The following RPS6KC1 variants were observed in gnomAD, a reference collection of about 807,000 sequenced individuals.
The protein encoded by RPS6KC1 is inactive ribosomal protein S6 kinase delta-1.
A neutral mutation model predicts 103.8 loss-of-function variants in RPS6KC1; 54 were observed. The observed-to-expected ratio is 0.52, with a 90% CI of 0.42 to 0.65. The LOEUF (loss-of-function observed/expected upper bound fraction) is 0.65. Among genes scored for constraint, RPS6KC1 ranks in the 30% least tolerant of loss-of-function variants. RPS6KC1 has a pLI of 0.00. For synonymous variants in RPS6KC1, 439 were observed against 438.7 expected, an observed-to-expected ratio of 1.00 and a Z score of -0.01; for missense variants, 1,151 against 1,253.8, an observed-to-expected ratio of 0.92 and a Z score of 1.24.
chr1:213,512,536 A>G, the RPS6KC1 span, among the ~76,000 whole-genome samples: 2 of 152,200 alleles, frequency 1.3e-5, no homozygotes, highest in African/African-American at 4.8e-5. Context: ...GCTTTAGCCC[A>G]TTAGTCGACA....
the RPS6KC1 span, among the ~76,000 whole-genome samples, chr1:213,574,969 G>A: frequency 6.6e-6 from 1 of 152,128 alleles, no homozygotes; most frequent in Non-Finnish European, 1.5e-5. Flanking sequence ...GGAATGAAGG[G>A]TAGAGGTGAA....
At chr1:213,319,068 G>A in the RPS6KC1 span, among the ~76,000 whole-genome samples, 2 of 152,318 alleles carry the variant, frequency 1.3e-5, no homozygotes, top group Admixed American at 1.3e-4. Context: ...CACTTTGGGA[G>A]GCCAAGGTGG....
At chr1:213,649,216 G>A in the RPS6KC1 span, among the ~76,000 whole-genome samples, 1 of 149,982 alleles carries the variant, frequency 6.7e-6, no homozygotes, top group Non-Finnish European at 1.5e-5. Context: ...CTTTTTTACT[G>A]GTTTCTCCTA....
intron 6 of RPS6KC1, among the ~76,000 whole-genome samples, chr1:213,139,127 A>G (rs547246212): frequency 6.6e-6 from 1 of 152,148 alleles, no homozygotes; most frequent in Admixed American, 6.6e-5. Context: ...ATGTTTTCAT[A>G]TGTTTGTTGG....
intron 3 of RPS6KC1, among the ~76,000 whole-genome samples, chr1:213,103,063 G>T (rs1385230442): frequency 6.6e-6 from 1 of 152,000 alleles, no homozygotes; most frequent in Non-Finnish European, 1.5e-5. Flanking sequence ...AGCTGGCTGT[G>T]GTGGCGTGTG....
At chr1:213,631,035 G>A in the RPS6KC1 span, among the ~76,000 whole-genome samples, 1 of 152,190 alleles carries the variant, frequency 6.6e-6, no homozygotes, top group Non-Finnish European at 1.5e-5. Flanking sequence ...ATCTCCTGGT[G>A]TGCCGTTTGC....
the RPS6KC1 span, among the ~76,000 whole-genome samples, chr1:213,332,823 AC>A: frequency 6.6e-6 from 1 of 152,190 alleles, no homozygotes; most frequent in Non-Finnish European, 1.5e-5. Context: ...TCCAGGCATA[AC>A]TACTGATGCA....
chr1:213,443,417 A>G, the RPS6KC1 span, among the ~76,000 whole-genome samples: 3 of 152,206 alleles, frequency 2.0e-5, no homozygotes, highest in Admixed American at 6.5e-5. Context: ...TACAACCTGC[A>G]CAACTCATCA....
the RPS6KC1 span, among the ~76,000 whole-genome samples, chr1:213,303,962 C>T: frequency 6.6e-6 from 1 of 151,624 alleles, no homozygotes; most frequent in Non-Finnish European, 1.5e-5. Flanking sequence ...TCCCAGCACT[C>T]TGGGAGGCCG....
chr1:213,335,353 A>G, the RPS6KC1 span, among the ~76,000 whole-genome samples: 1 of 152,204 alleles, frequency 6.6e-6, no homozygotes, highest in African/African-American at 2.4e-5. Flanking sequence ...TTTAAATCAG[A>G]TGGATACTGA....
intron 8 of RPS6KC1, among the ~76,000 whole-genome samples, chr1:213,182,858 ATATG>A (rs1389411207): frequency 1.3e-5 from 2 of 148,234 alleles, no homozygotes; most frequent in Non-Finnish European, 3.0e-5. Flanking sequence ...ATCATGATAT[ATATG>A]TATATATATC....
the RPS6KC1 span, among the ~76,000 whole-genome samples, chr1:213,373,651 A>C: frequency 1.3e-5 from 2 of 152,256 alleles, no homozygotes; most frequent in African/African-American, 4.8e-5. Flanking sequence ...TTCTTAACAG[A>C]TATAAAACCA....
At chr1:213,263,712 C>T (rs1197835428) in intron 14 of RPS6KC1, among the ~76,000 whole-genome samples, 1 of 151,960 alleles carries the variant, frequency 6.6e-6, no homozygotes, top group African/African-American at 2.4e-5. Flanking sequence ...TGCTTTCATT[C>T]AACAAATATT....
the RPS6KC1 span, among the ~76,000 whole-genome samples, chr1:213,530,242 G>A: frequency 1.3e-5 from 2 of 152,094 alleles, no homozygotes; most frequent in East Asian, 3.9e-4. Flanking sequence ...CCCTACCTTA[G>A]GAAGCAGACA....
chr1:213,539,610 T>A, the RPS6KC1 span, among the ~76,000 whole-genome samples: 2 of 152,206 alleles, frequency 1.3e-5, no homozygotes, highest in African/African-American at 4.8e-5. Context: ...ATAATAGACA[T>A]AGTAAAGCAC....
the RPS6KC1 span, among the ~76,000 whole-genome samples, chr1:213,799,619 C>T: frequency 1.2e-4 from 19 of 152,270 alleles, no homozygotes; most frequent in East Asian, 9.7e-4. Context: ...AGCGGGAATC[C>T]GCAAATGACT....
the RPS6KC1 span, among the ~76,000 whole-genome samples, chr1:213,572,013 G>A: frequency 3.9e-5 from 6 of 152,148 alleles, no homozygotes; most frequent in South Asian, 2.1e-4. Flanking sequence ...GTTGAGCATC[G>A]CTGCACCGAT....
chr1:213,237,258 T>C (rs1407368409), intron 10 of RPS6KC1, among the ~76,000 whole-genome samples: 2 of 152,142 alleles, frequency 1.3e-5, no homozygotes, highest in Admixed American at 1.3e-4. Flanking sequence ...ATGTAAATGC[T>C]GGCTCACCAT....
chr1:213,733,259 G>A, the RPS6KC1 span, among the ~76,000 whole-genome samples: 1 of 151,260 alleles, frequency 6.6e-6, no homozygotes, highest in African/African-American at 2.4e-5. Flanking sequence ...TTGAGACAGG[G>A]TGTCACTCTG....
Sources: gnomAD v4.1 joint callset for allele counts (sites outside exome capture counted in the v4.1 genomes callset) on GRCh38, gnomAD v4.1.1 for gene constraint, MANE v1.5 for transcripts, NCBI Gene and HGNC (gene_info 2026-07-23, HGNC 2026-07-21) for gene names.